Variants in ZNF215 observed in about 807,000 individuals in gnomAD.
ZNF215 encodes BWSCR2-associated zinc finger protein 2.
A neutral mutation model predicts 27.2 loss-of-function variants in ZNF215; 24 were observed. The ratio of observed to expected loss-of-function variants is 0.88; its 90% CI spans 0.64 to 1.24. The LOEUF (loss-of-function observed/expected upper bound fraction) is 1.24, where lower values mean the gene tolerates loss of function less well. Ranked by LOEUF, ZNF215 falls within the 50% of genes most tolerant of loss-of-function variation. The probability of loss-of-function intolerance (pLI) is 0.00; values close to 1 mark genes in which losing one functional copy is unlikely to be tolerated. For missense variants in ZNF215, 675 were observed against 605.7 expected (o/e 1.11, Z -1.20); for synonymous variants, 210 against 204.0 (o/e 1.03, Z -0.25).
chr11:6,959,727 T>C (rs1177332121), downstream of ZNF215, among the ~76,000 whole-genome samples: 1 of 152,158 alleles, frequency 6.6e-6, no homozygotes, highest in Non-Finnish European at 1.5e-5. Flanking sequence ...ATGGGGAGGA[T>C]TTATTTCACA....
At chr11:6,927,134 G>GA (rs2133122864) in intron 1 of ZNF215, among the ~76,000 whole-genome samples, 1 of 127,662 alleles carries the variant, frequency 7.8e-6, no homozygotes, top group African/African-American at 3.0e-5. Flanking sequence ...ATGCCTCATG[G>GA]AAAAACCAAG....
At chr11:6,967,927 G>A (rs966813331) in intron 5 of ZNF215, among the ~76,000 whole-genome samples, 5 of 151,938 alleles carry the variant, frequency 3.3e-5, no homozygotes, top group Non-Finnish European at 7.4e-5. Context: ...TAGGTCTTAC[G>A]TTTGTCTTTA....
intron 5 of ZNF215, among the ~76,000 whole-genome samples, chr11:6,981,106 G>T (rs1435447893): frequency 2.6e-4 from 40 of 151,160 alleles, no homozygotes; most frequent in African/African-American, 9.5e-4. Flanking sequence ...ATGATTTATA[G>T]TCCTTTGGGT....
chr11:6,950,801 G>A (rs1850024338), intron 6 of ZNF215, among the ~76,000 whole-genome samples: 1 of 147,532 alleles, frequency 6.8e-6, no homozygotes, highest in South Asian at 2.1e-4. Flanking sequence ...GGGCATCCCT[G>A]TCTTGTGCCA....
intron 6 of ZNF215, among the ~76,000 whole-genome samples, chr11:6,953,955 A>C (rs1470480667): frequency 6.6e-6 from 1 of 152,138 alleles, no homozygotes; most frequent in Non-Finnish European, 1.5e-5. Flanking sequence ...CTTCTAACAG[A>C]CAGGACCCTC....
intron 5 of ZNF215, among the ~76,000 whole-genome samples, chr11:6,974,734 A>G (rs563180605): frequency 2.0e-5 from 3 of 152,206 alleles, no homozygotes; most frequent in East Asian, 1.9e-4. Context: ...ATTTTTGCAC[A>G]TTGATTTTGT....
At chr11:6,930,182 C>T (rs563636728) in intron 2 of ZNF215, among the ~76,000 whole-genome samples, 20 of 151,618 alleles carry the variant, frequency 1.3e-4, no homozygotes, top group African/African-American at 4.1e-4. Flanking sequence ...GAGCCTCAGT[C>T]CTAGAATCAA....
intron 6 of ZNF215, among the ~76,000 whole-genome samples, chr11:6,947,824 T>C (rs1849877408): frequency 6.6e-6 from 1 of 152,206 alleles, no homozygotes; most frequent in Admixed American, 6.5e-5. Context: ...ATTCCAGGGC[T>C]CAAATGGGAT....
chr11:6,949,272 G>C (rs1300090159), intron 6 of ZNF215, among the ~76,000 whole-genome samples: 1 of 152,160 alleles, frequency 6.6e-6, no homozygotes, highest in Non-Finnish European at 1.5e-5. Context: ...CCAGTAATGG[G>C]ATGGCTGGGT....
downstream of ZNF215, among the ~76,000 whole-genome samples, chr11:6,960,407 C>G (rs183260875): frequency 6.6e-6 from 1 of 152,124 alleles, no homozygotes; most frequent in East Asian, 1.9e-4. Flanking sequence ...AAGAAAAGAC[C>G]AGCATCCAGC....
rs1185006400 is a variant in ZNF215 at position 6,943,121 on chromosome 11, C to G, written c.522C>G (p.Ser174Arg). 6.2e-7 allele frequency: 1 copy of G among 1,613,838 alleles called. No individual in the cohort carries two copies. Among genetic ancestry groups the G allele is most frequent in the South Asian group, 1.1e-5 (1 of 91,024 alleles). ...TCAAAGATGTGGTTGTGGAATTCAG[C>G]AAGGAAGAGTGGGGGCAACTGGACT... Reference protein sequence around the residue: ...VTFKDVVVEFSKEEWGQLDSA... With the variant: ...VTFKDVVVEFRKEEWGQLDSA... The change falls in exon 5 of 7, where the codon AGC (serine) becomes AGG (arginine). Residue 174 changes from serine to arginine, a missense_variant. By Grantham distance (110) the Ser-to-Arg change is moderately radical. Coordinates refer to ENST00000278319, the MANE Select transcript of ZNF215 (RefSeq NM_013250.4).
chr11:6,957,487 C>T lies in ZNF215; in HGVS notation c.*956C>T, dbSNP rs1451170632. 5 of 156,772 alleles carry T rather than the reference C, an allele frequency of 3.2e-5. No homozygotes were observed. 9.7% of individuals were successfully genotyped at this position (156,772 alleles called of 1,614,324 possible). On this transcript the variant is annotated 3_prime_UTR_variant, in exon 7 of 7. Coordinates refer to ENST00000278319, the MANE Select transcript of ZNF215 (RefSeq NM_013250.4). ...CACCCATGGCCCTGTACTGGAATAA[C>T]AGGGTAAATAATTATCTTATCTGTT...
At chr11:6,984,939 C>A (rs1038836), downstream of ZNF215, among the ~76,000 whole-genome samples, 152,276 of 152,278 alleles carry the variant, frequency 1, 76,137 homozygotes, top group Middle Eastern at 1. Context: ...GCACTGGTCA[C>A]GATGGATTCA....
chr11:6,973,070 C>CG (rs1014581431), intron 5 of ZNF215, among the ~76,000 whole-genome samples: 2 of 152,064 alleles, frequency 1.3e-5, no homozygotes, highest in African/African-American at 4.8e-5. Context: ...CAACAGGCCC[C>CG]GGTGTGTGAT....
intron 3 of ZNF215, among the ~76,000 whole-genome samples, chr11:6,935,662 G>T (rs1315803864): frequency 1.3e-5 from 2 of 152,022 alleles, no homozygotes; most frequent in Non-Finnish European, 2.9e-5. Flanking sequence ...TAGAAAAAAA[G>T]ATTAAAAAGG....
intron 3 of ZNF215, among the ~76,000 whole-genome samples, chr11:6,938,741 G>A (rs929669850): frequency 1.3e-5 from 2 of 152,112 alleles, no homozygotes; most frequent in African/African-American, 4.8e-5. Context: ...AAGGGAGTGT[G>A]TATGAGAGTG....
downstream of ZNF215, chr11:6,988,716 AAC>A (rs1300804800): frequency 1.3e-5 from 2 of 152,234 alleles, no homozygotes; most frequent in Admixed American, 1.3e-4. Context: ...AGATGACTCA[AAC>A]ACAAAATCAT....
chr11:6,942,232 G>A (rs756229286), intron 4 of ZNF215, among the ~76,000 whole-genome samples: 1 of 152,184 alleles, frequency 6.6e-6, no homozygotes, highest in Non-Finnish European at 1.5e-5. Context: ...ATAAAGACTG[G>A]CTTGAAGGAG....
At chr11:6,959,953 T>C (rs1382884486), downstream of ZNF215, among the ~76,000 whole-genome samples, 1 of 152,060 alleles carries the variant, frequency 6.6e-6, no homozygotes, top group Non-Finnish European at 1.5e-5. Flanking sequence ...AATATTTACA[T>C]ATATATCATA....
Sources: allele counts gnomAD v4.1 joint callset (sites outside exome capture counted in the v4.1 genomes callset), GRCh38; gene constraint gnomAD v4.1.1; transcripts MANE v1.5; gene names NCBI Gene and HGNC (gene_info 2026-07-23, HGNC 2026-07-21).